Variants in GALNTL6 observed in about 807,000 individuals in gnomAD.
The protein encoded by GALNTL6 is polypeptide N-acetylgalactosaminyltransferase like 6.
Under a neutral mutation model 73.7 loss-of-function variants are expected in GALNTL6, and 46 were observed. The observed-to-expected ratio is 0.62, with a 90% CI of 0.49 to 0.80. GALNTL6 has a LOEUF of 0.80. Among genes scored for constraint, GALNTL6 ranks in the 30% least tolerant of loss-of-function variants. The pLI, the probability that GALNTL6 is intolerant of heterozygous loss-of-function variation, is 0.00. For missense variants in GALNTL6, 604 were observed against 755.0 expected, an observed-to-expected ratio of 0.80 and a Z score of 2.34; for synonymous variants, 259 against 263.7, an observed-to-expected ratio of 0.98 and a Z score of 0.17.
At chr4:172,541,218 T>C (rs1405533352) in intron 5 of GALNTL6, among the ~76,000 whole-genome samples, 2 of 152,216 alleles carry the variant, frequency 1.3e-5, no homozygotes, top group African/African-American at 4.8e-5. Flanking sequence ...AACTTAAACC[T>C]GGCCTTGCAT....
In GALNTL6 at chr4:172,764,997, T is replaced by A. The variant is rs566287356; in HGVS notation, c.554-44364T>A. On this transcript the variant is annotated intron_variant, in intron 5 of 12. Coordinates refer to ENST00000506823, the MANE Select transcript of GALNTL6 (RefSeq NM_001034845.3). ...CATATATTCGAGCAAAAGATGATAC[T>A]TGGGAATAAGCTATCATTCTCTGGA... is the stretch of plus-strand genomic sequence containing the variant. Among the ~76,000 whole-genome samples, 3 of 152,326 alleles carry A rather than the reference T, an allele frequency of 2.0e-5. No individual in the cohort carries two copies. The East Asian group carries it at 5.8e-4, about 29-fold the overall frequency.
intron 2 of GALNTL6, among the ~76,000 whole-genome samples, chr4:172,060,636 T>C (rs1389479840): frequency 1.3e-5 from 2 of 152,150 alleles, no homozygotes; most frequent in African/African-American, 4.8e-5. Context: ...TTATTGTCTT[T>C]TAAAGAAAGA....
chr4:172,953,712 G>GC (rs2126352067), intron 10 of GALNTL6, among the ~76,000 whole-genome samples: 1 of 152,316 alleles, frequency 6.6e-6, no homozygotes, highest in East Asian at 1.9e-4. Flanking sequence ...AGTCAATCCT[G>GC]CCACTACACC....
At chr4:172,012,741 T>C (rs1034817698) in intron 2 of GALNTL6, among the ~76,000 whole-genome samples, 2 of 54,416 alleles carry the variant, frequency 3.7e-5, no homozygotes, top group African/African-American at 7.1e-5. Context: ...CCTCACATCA[T>C]TATTATTGTT....
chr4:172,723,294 A>T (rs978161636), intron 5 of GALNTL6, among the ~76,000 whole-genome samples: 1 of 152,172 alleles, frequency 6.6e-6, no homozygotes, highest in Non-Finnish European at 1.5e-5. Context: ...CCAATATTCT[A>T]CTAACCACAG....
intron 2 of GALNTL6, among the ~76,000 whole-genome samples, chr4:172,156,204 C>T (rs1220440756): frequency 6.6e-6 from 1 of 151,978 alleles, no homozygotes; most frequent in African/African-American, 2.4e-5. Flanking sequence ...TTGACAGCTT[C>T]CTTTTCGATC....
intron 5 of GALNTL6, among the ~76,000 whole-genome samples, chr4:172,477,662 A>C: frequency 6.6e-6 from 1 of 152,206 alleles, no homozygotes; most frequent in Non-Finnish European, 1.5e-5. Context: ...GGAAGGTCAA[A>C]TTCCATGCTG....
intron 5 of GALNTL6, among the ~76,000 whole-genome samples, chr4:172,379,445 G>A (rs1218183471): frequency 6.8e-6 from 1 of 147,266 alleles, no homozygotes; most frequent in Non-Finnish European, 1.5e-5. Flanking sequence ...CAGGAGAATG[G>A]CGTGAACCCG....
chr4:172,144,966 AT>A (rs542437771), intron 2 of GALNTL6, among the ~76,000 whole-genome samples: 2 of 150,772 alleles, frequency 1.3e-5, no homozygotes, highest in African/African-American at 2.4e-5. Flanking sequence ...GAAATACAAC[AT>A]TTTTTTTTGA....
chr4:171,826,977 G>A (rs1299900244), intron 2 of GALNTL6, among the ~76,000 whole-genome samples: 1 of 152,092 alleles, frequency 6.6e-6, no homozygotes, highest in Non-Finnish European at 1.5e-5. Context: ...CTCATCGGGA[G>A]TGTCAACCTT....
At chr4:172,310,143 G>A (rs1254591863) in intron 3 of GALNTL6, among the ~76,000 whole-genome samples, 1 of 152,132 alleles carries the variant, frequency 6.6e-6, no homozygotes, top group African/African-American at 2.4e-5. Flanking sequence ...GGTTACTAAT[G>A]ATGTTTCCAA....
Position 172,335,500 on chromosome 4 carries a change from G to T in GALNTL6, c.387-13023G>T, listed in dbSNP as rs528819870. Among the ~76,000 whole-genome samples, 6 of 152,238 alleles carry T rather than the reference G, an allele frequency of 3.9e-5. No individual in the cohort carries two copies. The East Asian group carries it at 1.2e-3, about 29-fold the overall frequency. ...GAGGTCCCTCTTCCTCAATTTTTTG[G>T]AATAGTTTTAGTAGAATTGGTACCA... On this transcript the variant is annotated intron_variant, in intron 4 of 12. Transcript: ENST00000506823.
Position 171,976,713 on chromosome 4 carries a change from T to C in GALNTL6, c.138+161995T>C, listed in dbSNP as rs575721880. On this transcript the variant is annotated intron_variant, in intron 2 of 12. Transcript: ENST00000506823. Reference sequence around the variant, plus strand: ...ATGTGGTCATATCCTATGAAATAACTGTGAGTCGTTTAGGAAAGACTTAGA... The same window carrying C: ...ATGTGGTCATATCCTATGAAATAACCGTGAGTCGTTTAGGAAAGACTTAGA... Among the ~76,000 whole-genome samples the C allele has an allele frequency of 5.3e-5, 8 of 152,350 alleles. No homozygotes were observed. In the South Asian group the frequency reaches 1.0e-3, roughly 20 times the overall value.
At chr4:172,111,072 T>C (rs1001008821) in intron 2 of GALNTL6, among the ~76,000 whole-genome samples, 8 of 152,192 alleles carry the variant, frequency 5.3e-5, no homozygotes, top group Non-Finnish European at 1.2e-4. Context: ...AGAGCCCTCT[T>C]CTCACAGGCA....
intron 12 of GALNTL6, among the ~76,000 whole-genome samples, chr4:173,022,189 G>GAGGA (rs35151291): frequency 0.15 from 20,495 of 134,230 alleles, 2,019 homozygotes; most frequent in South Asian, 0.37. Context: ...GGGAGGGAGG[G>GAGGA]AGGAAGGAAG....
intron 2 of GALNTL6, among the ~76,000 whole-genome samples, chr4:172,223,195 G>A (rs112667218): frequency 1.3e-4 from 20 of 152,010 alleles, no homozygotes; most frequent in African/African-American, 4.3e-4. Flanking sequence ...CCAGTTCAAG[G>A]TCTATTTTAT....
intron 5 of GALNTL6, among the ~76,000 whole-genome samples, chr4:172,569,073 G>A (rs1305431863): frequency 6.6e-6 from 1 of 152,152 alleles, no homozygotes; most frequent in Non-Finnish European, 1.5e-5. Context: ...GTTGAAGAAA[G>A]ACATGCTATT....
chr4:172,453,839 A>G (rs771686966), intron 5 of GALNTL6, among the ~76,000 whole-genome samples: 2 of 152,200 alleles, frequency 1.3e-5, no homozygotes, highest in Non-Finnish European at 2.9e-5. Flanking sequence ...GAGAGAGGCA[A>G]ATAAGTCCAG....
intron 5 of GALNTL6, among the ~76,000 whole-genome samples, chr4:172,658,243 G>T (rs1448606165): frequency 6.7e-6 from 1 of 149,808 alleles, no homozygotes; most frequent in Non-Finnish European, 1.5e-5. Flanking sequence ...GAGACGGGTG[G>T]ATCACGAAGT....
Sources: allele counts gnomAD v4.1 joint callset (sites outside exome capture counted in the v4.1 genomes callset), GRCh38; gene constraint gnomAD v4.1.1; transcripts MANE v1.5; gene names NCBI Gene and HGNC (gene_info 2026-07-23, HGNC 2026-07-21).